The following TXNDC12 variants were observed in gnomAD, a reference collection of about 807,000 sequenced individuals.
TXNDC12 encodes the protein thioredoxin domain containing 12, also known as thioredoxin domain-containing protein 12.
In TXNDC12, 22 loss-of-function variants were observed where a neutral mutation model predicts 24.2. That is an observed-to-expected ratio of 0.91 (90% CI 0.65 to 1.30). The LOEUF (loss-of-function observed/expected upper bound fraction) is 1.30, where lower values mean the gene tolerates loss of function less well. Among genes scored for constraint, TXNDC12 ranks in the 50% most tolerant of loss-of-function variants. The pLI is 0.00. For missense variants in TXNDC12, 184 were observed against 205.8 expected, an observed-to-expected ratio of 0.89 and a Z score of 0.65; for synonymous variants, 58 against 73.4, an observed-to-expected ratio of 0.79 and a Z score of 1.07.
chr1:52,041,532 T>C lies in TXNDC12; in HGVS notation c.158+5A>G, dbSNP rs1685990166. 1.2e-6 allele frequency: 2 copies of C among 1,608,238 alleles called. No individual in the cohort carries two copies. Among genetic ancestry groups the C allele is most frequent in the Non-Finnish European group, 1.7e-6 (2 of 1,175,226 alleles). On this transcript the variant is annotated splice_donor_5th_base_variant and intron_variant, in intron 2 of 6. Transcript: ENST00000371626. ...CCATAAATGACCTAAAACCATGTCT[T>C]GTACCTGGCAGCTGCTTCTTTCTTC...
chr1:52,046,199 G>GAA (rs35664785), intron 1 of TXNDC12, among the ~76,000 whole-genome samples: 55 of 146,370 alleles, frequency 3.8e-4, no homozygotes, highest in East Asian at 2.6e-3. Context: ...ATTCTGTCTC[G>GAA]AAAAAAAAAA....
At chr1:52,051,149 T>G (rs1039017364) in intron 1 of TXNDC12, among the ~76,000 whole-genome samples, 1 of 152,164 alleles carries the variant, frequency 6.6e-6, no homozygotes, top group African/African-American at 2.4e-5. Context: ...ACCTGGAGGA[T>G]AGTAAATGTA....
intron 6 of TXNDC12, 127 bp from the exon 7 acceptor site, chr1:52,021,139 G>C (rs574115421): frequency 1.7e-4 from 118 of 688,878 alleles, no homozygotes; most frequent in African/African-American, 1.7e-3. Context: ...TCAAGATCTA[G>C]CTCTGGATTT....
chr1:52,023,571 G>A lies in TXNDC12; in HGVS notation c.359C>T (p.Pro120Leu), dbSNP rs779015159. 2 of 1,613,166 alleles carry A rather than the reference G, an allele frequency of 1.2e-6. No individual in the cohort carries two copies. The highest frequency in any genetic ancestry group is 2.2e-5 in the East Asian group (1 of 44,874). ...GATTTCAGGATGCACCTTGCCACTGGGATCTGTTATAGACAAAATGACACA... is the reference window on the plus strand; with the variant it reads ...GATTTCAGGATGCACCTTGCCACTGAGATCTGTTATAGACAAAATGACACA... ...GYIPRILFLD[P>L]SGKVHPEIIN... is the part of the protein sequence containing the mutation. Residue 120 changes from proline to leucine, a missense_variant, in exon 6 of 7, where the codon CCC (proline) becomes CTC (leucine). Physicochemically the swap from Pro to Leu is moderately conservative, Grantham distance 98. Coordinates refer to ENST00000371626, the MANE Select transcript of TXNDC12 (RefSeq NM_015913.4).
At chr1:52,030,106 A>G (rs1451445204) in intron 2 of TXNDC12, among the ~76,000 whole-genome samples, 2 of 152,124 alleles carry the variant, frequency 1.3e-5, no homozygotes, top group African/African-American at 4.8e-5. Context: ...ACAGTGGCTC[A>G]CACCTGTAAT....
At chr1:52,029,782 A>G (rs1273586404) in intron 2 of TXNDC12, among the ~76,000 whole-genome samples, 1 of 152,234 alleles carries the variant, frequency 6.6e-6, no homozygotes, top group Non-Finnish European at 1.5e-5. Context: ...ATAAGTGTCA[A>G]ATGAATCATT....
intron 2 of TXNDC12, among the ~76,000 whole-genome samples, chr1:52,040,337 C>G (rs1194528064): frequency 2.0e-5 from 3 of 152,036 alleles, no homozygotes; most frequent in Non-Finnish European, 4.4e-5. Context: ...GATCCTCCCA[C>G]CTCAGCCCCC....
intron 2 of TXNDC12, chr1:52,032,294 G>A: frequency 1.0e-6 from 1 of 1,000,068 alleles, no homozygotes; most frequent in African/African-American, 1.7e-5. Flanking sequence ...GGCAGGTGCA[G>A]ATGTAGAACT....
chr1:52,033,927 A>G, intron 2 of TXNDC12: 1 of 1,430,210 alleles, frequency 7.0e-7, no homozygotes, highest in Non-Finnish European at 9.1e-7. Context: ...GCCCAGGTTC[A>G]GCTTTCTCAG....
At chr1:52,026,903 G>T (rs891698086) in intron 4 of TXNDC12, among the ~76,000 whole-genome samples, 2 of 152,068 alleles carry the variant, frequency 1.3e-5, no homozygotes, top group African/African-American at 4.8e-5. Flanking sequence ...TGGTGTGGTG[G>T]TGCATGCCTG....
intron 1 of TXNDC12, among the ~76,000 whole-genome samples, chr1:52,046,486 G>A (rs562518232): frequency 2.6e-4 from 40 of 152,288 alleles, no homozygotes; most frequent in Admixed American, 2.4e-3. Context: ...CAAGTAGAAG[G>A]ATGGAGCTGC....
At chr1:52,038,542 C>T (rs994232288) in intron 2 of TXNDC12, among the ~76,000 whole-genome samples, 3 of 152,020 alleles carry the variant, frequency 2.0e-5, no homozygotes, top group Non-Finnish European at 1.5e-5. Context: ...AAACTCTTGA[C>T]CTCAAATGAT....
At position 52,047,732 on chromosome 1, in the gene TXNDC12, A is replaced by C. The variant is rs552257792; in HGVS notation, c.98-6135T>G. Among the ~76,000 whole-genome samples the C allele has an allele frequency of 1.3e-4, 19 of 147,130 alleles. No individual in the cohort carries two copies. The East Asian group carries it at 2.2e-3, about 17-fold the overall frequency. ...AGTCTGGGCAACAGGATGAGACTCT[A>C]TCTCTAAAAAATAAATAACTAAGTT... is the stretch of plus-strand genomic sequence containing the variant. On this transcript the variant is annotated intron_variant, in intron 1 of 6. Transcript: ENST00000371626.
At chr1:52,043,465 C>T (rs138761508) in intron 1 of TXNDC12, among the ~76,000 whole-genome samples, 21 of 152,254 alleles carry the variant, frequency 1.4e-4, no homozygotes, top group African/African-American at 4.8e-4. Flanking sequence ...GTTTACTGAC[C>T]ACCTTATATG....
At chr1:52,041,977 T>C (rs1440654252) in intron 1 of TXNDC12, among the ~76,000 whole-genome samples, 2 of 152,226 alleles carry the variant, frequency 1.3e-5, no homozygotes, top group African/African-American at 4.8e-5. Context: ...GCAATACAGC[T>C]TTAGATTCAG....
At chr1:52,055,407 T>A (rs1266213296), upstream of TXNDC12, 3 of 308,582 alleles carry the variant, frequency 9.7e-6, no homozygotes, top group African/African-American at 6.5e-5. Context: ...GCCAAGATAG[T>A]AGGGGCGGGG....
intron 1 of TXNDC12, among the ~76,000 whole-genome samples, chr1:52,054,336 G>A (rs1382475414): frequency 6.6e-6 from 1 of 152,194 alleles, no homozygotes; most frequent in Non-Finnish European, 1.5e-5. Context: ...CTGATGAGGA[G>A]AGAGGTGTTA....
rs1325670094 is a variant in TXNDC12, at chr1:52,020,645, T to C, written c.*288A>G. ...TAAGTGCGAGGAGTAAACATCCAAG[T>C]GGCTCAAGTTTTGTGTCAGAAGGTT... On this transcript the variant is annotated 3_prime_UTR_variant, in exon 7 of 7. Transcript: ENST00000371626. 2.5e-6 allele frequency: 1 copy of C among 396,696 alleles called. No homozygotes were observed. Among genetic ancestry groups the C allele is most frequent in the Non-Finnish European group, 4.5e-6 (1 of 221,462 alleles). The allele number at this position is 396,696 out of a possible 1,614,324, so 24.6% of individuals were successfully genotyped here.
chr1:52,026,477 TA>T lies in TXNDC12; in HGVS notation c.285+797del, dbSNP rs1424149002. 2.6e-5 allele frequency among the ~76,000 whole-genome samples: 4 copies of T among 152,332 alleles called. No homozygotes were observed. In the East Asian group the frequency reaches 5.8e-4, roughly 22 times the overall value. ...TTGCACATATAAGCCCAACACAGAT[TA>T]GGTGCTCAGTTGAATCACATTTTGC... On this transcript the variant is annotated intron_variant, in intron 4 of 6. Coordinates refer to ENST00000371626, the MANE Select transcript of TXNDC12 (RefSeq NM_015913.4).
Sources: gnomAD v4.1 joint callset for allele counts (sites outside exome capture counted in the v4.1 genomes callset) on GRCh38, gnomAD v4.1.1 for gene constraint, MANE v1.5 for transcripts, NCBI Gene and HGNC (gene_info 2026-07-23, HGNC 2026-07-21) for gene names.